The following ERBIN variants were observed in gnomAD, a reference collection of about 807,000 sequenced individuals.
The protein encoded by ERBIN is erbb2 interacting protein.
Under a neutral mutation model 158.4 loss-of-function variants are expected in ERBIN, and 60 were observed. The observed-to-expected ratio is 0.38, with a 90% CI of 0.31 to 0.47. The LOEUF (loss-of-function observed/expected upper bound fraction) is 0.47. Among genes scored for constraint, ERBIN ranks in the 20% least tolerant of loss-of-function variants. The pLI is 0.99. For missense variants in ERBIN, 1,610 were observed against 1,648.0 expected (o/e 0.98, Z 0.40); for synonymous variants, 594 against 557.2 (o/e 1.07, Z -0.93).
intron 11 of ERBIN, 111 bp downstream of exon 11, chr5:66,025,663 A>G: frequency 8.5e-6 from 8 of 943,980 alleles, no homozygotes; most frequent in East Asian, 2.4e-5. Context: ...TAAACATTTA[A>G]GTAATTAGTA....
chr5:65,937,630 C>G lies in ERBIN; in HGVS notation c.-58+10824C>G, dbSNP rs773989383. Among the ~76,000 whole-genome samples, 3 of 152,042 alleles carry G rather than the reference C, an allele frequency of 2.0e-5. No homozygotes were observed. The South Asian group carries it at 6.2e-4, about 31-fold the overall frequency. On this transcript the variant is annotated intron_variant, in intron 1 of 25. Transcript: ENST00000284037. ...TCAGCTTCTAAAAATAATTCTTGGC[C>G]GGGTGCGGTGGCTCATGCCTGTAAT...
At chr5:65,995,834 G>T (rs748855765) in intron 4 of ERBIN, among the ~76,000 whole-genome samples, 7 of 152,096 alleles carry the variant, frequency 4.6e-5, no homozygotes, top group Non-Finnish European at 1.0e-4. Flanking sequence ...TCTCACTGTA[G>T]ATTTAATTTG....
At chr5:65,928,111 G>A (rs1233073382) in intron 1 of ERBIN, among the ~76,000 whole-genome samples, 2 of 152,140 alleles carry the variant, frequency 1.3e-5, no homozygotes, top group African/African-American at 2.4e-5. Context: ...AAGTTTTAAA[G>A]ATCAGGATCA....
rs1491127752 is a variant in ERBIN at position 65,940,487 on chromosome 5, CCG to C, written c.-58+13682_-58+13683del. ...GGTGGGGGGGTCAGTCCCCCCCCCC[CCG>C]GCCAGCCGCCCCGTCTGGGAGGGAG... On this transcript the variant is annotated intron_variant, in intron 1 of 25. Transcript: ENST00000284037. 2.1e-3 allele frequency among the ~76,000 whole-genome samples: 274 copies of C among 129,102 alleles called. 7 individuals are homozygous for C. The highest frequency in any genetic ancestry group is 4.1e-3 in the Middle Eastern group (1 of 244). The allele number at this position is 129,102 out of a possible 152,430, so 84.7% of individuals were successfully genotyped here. A position where few individuals can be genotyped will look rare whatever the true frequency, so the allele number is the denominator to read the frequency against.
intron 21 of ERBIN, among the ~76,000 whole-genome samples, chr5:66,063,352 T>A (rs1265026509): frequency 3.3e-5 from 5 of 152,212 alleles, no homozygotes; most frequent in Non-Finnish European, 7.3e-5. Flanking sequence ...TTGCGGGATA[T>A]AATCTCCTGG....
intron 7 of ERBIN, among the ~76,000 whole-genome samples, 171 bp from the exon 8 acceptor site, chr5:66,021,151 A>G (rs1361436062): frequency 1.4e-5 from 2 of 141,704 alleles, no homozygotes; most frequent in African/African-American, 5.1e-5. Flanking sequence ...TAATTATTTT[A>G]TCTAGAAATC....
Position 66,012,123 on chromosome 5 carries a change from T to C in ERBIN, c.382T>C (p.Ser128Pro). 1 of 1,580,882 alleles carries C rather than the reference T, an allele frequency of 6.3e-7. No homozygotes were observed. Among genetic ancestry groups the C allele is most frequent in the African/African-American group, 1.4e-5 (1 of 73,780 alleles). The change falls in exon 5 of 26, where the codon TCC (serine) becomes CCC (proline). Residue 128 changes from serine (S) to proline (P), a missense_variant. By Grantham distance (74) the Ser-to-Pro change is moderately conservative. This residue lies in a region of ERBIN where 596 missense variants were observed against 711.9 expected (regional missense o/e 0.84). Transcript: ENST00000284037. ...TGTGGAGGCCAGTGTAAACCCTATT[T>C]CCAAGTAAGTTCTCAGGTGAATTAT... ...TIVEASVNPI[S>P]KLPDGFSQLL...
rs771137421 is a variant in ERBIN, at chr5:66,075,005, T to C, written c.3757-19T>C. 2.5e-6 allele frequency: 4 copies of C among 1,609,170 alleles called. No homozygotes were observed. Among genetic ancestry groups the C allele is most frequent in the Non-Finnish European group, 3.4e-6 (4 of 1,175,552 alleles). Reference sequence around the variant, plus strand: ...GACATTATTATTGGTCATTTTAAGATACTTCATGTTTTTCTTAGATGCCTT... The same window carrying C: ...GACATTATTATTGGTCATTTTAAGACACTTCATGTTTTTCTTAGATGCCTT... On this transcript the variant is annotated intron_variant, in intron 22 of 25. Transcript: ENST00000284037.
Position 66,021,393 on chromosome 5 carries a change from C to A in ERBIN, c.597+8C>A. ...AACGAATTCACGGAAGTGGTAAGTT[C>A]TCATCAGTCTCACTTTCCCTAAGTT... On this transcript the variant is annotated splice_region_variant and intron_variant, in intron 8 of 25. Transcript: ENST00000284037. 1.9e-6 allele frequency: 3 copies of A among 1,567,394 alleles called. No individual in the cohort carries two copies. Among genetic ancestry groups the A allele is most frequent in the African/African-American group, 1.4e-5 (1 of 73,794 alleles).
At chr5:65,999,188 G>GTGAA (rs61607755) in intron 4 of ERBIN, among the ~76,000 whole-genome samples, 6,086 of 152,076 alleles carry the variant, frequency 0.04, 406 homozygotes, top group African/African-American at 0.14. Context: ...GGCGAATGTG[G>GTGAA]ACCCCGTCTC....
At chr5:65,933,815 A>G (rs1001739951) in intron 1 of ERBIN, among the ~76,000 whole-genome samples, 1 of 152,188 alleles carries the variant, frequency 6.6e-6, no homozygotes, top group African/African-American at 2.4e-5. Flanking sequence ...TTTTTGAAAC[A>G]ATGACTGACA....
chr5:65,960,836 G>A lies in ERBIN; in HGVS notation c.-57-27799G>A, dbSNP rs541792038. 6.6e-5 allele frequency among the ~76,000 whole-genome samples: 10 copies of A among 152,276 alleles called. No individual in the cohort carries two copies. In the South Asian group the frequency reaches 2.1e-3, roughly 32 times the overall value. ...TTTGTCTTTATATGTTTACAGTTAG[G>A]TTCTAGGCTTAGATAATTATAATTT... On this transcript the variant is annotated intron_variant, in intron 1 of 25. Coordinates refer to ENST00000284037, the MANE Select transcript of ERBIN (RefSeq NM_001253697.2).
intron 1 of ERBIN, among the ~76,000 whole-genome samples, chr5:65,936,242 A>G (rs963817276): frequency 1.3e-5 from 2 of 152,154 alleles, no homozygotes; most frequent in African/African-American, 4.8e-5. Flanking sequence ...CTTGTTGCCA[A>G]GGTTATCACA....
chr5:65,970,310 G>A (rs542413716), intron 1 of ERBIN, among the ~76,000 whole-genome samples: 1 of 152,192 alleles, frequency 6.6e-6, no homozygotes, highest in African/African-American at 2.4e-5. Context: ...TCCCTCCTTT[G>A]CTTTTAAGTC....
intron 4 of ERBIN, among the ~76,000 whole-genome samples, chr5:66,009,373 AAAG>A (rs1255045025): frequency 2.0e-5 from 3 of 152,254 alleles, no homozygotes; most frequent in Non-Finnish European, 2.9e-5. Context: ...GAATGAGAGA[AAAG>A]AAGATGGTAG....
chr5:65,998,231 A>T (rs6886016), intron 4 of ERBIN, among the ~76,000 whole-genome samples: 10,400 of 149,152 alleles, frequency 0.07, 997 homozygotes, highest in African/African-American at 0.21. Flanking sequence ...CTCAAAAAAA[A>T]ATATATATAT....
intron 12 of ERBIN, 114 bp from the exon 13 acceptor site, chr5:66,026,185 CATT>C (rs1460179640): frequency 4.2e-6 from 3 of 715,566 alleles, no homozygotes; most frequent in Non-Finnish European, 6.5e-6. Context: ...AAAGTCTAGT[CATT>C]ATTTCTTCTA....
intron 12 of ERBIN, 71 bp downstream of exon 12, chr5:66,026,048 T>G: frequency 1.6e-5 from 19 of 1,204,970 alleles, no homozygotes; most frequent in Non-Finnish European, 2.0e-5. Flanking sequence ...TATAGCTATT[T>G]AGTGTGGCTT....
At chr5:65,958,150 A>T (rs1434991377) in intron 1 of ERBIN, among the ~76,000 whole-genome samples, 1,027 of 92,946 alleles carry the variant, frequency 0.011, no homozygotes, top group South Asian at 0.014. Context: ...GCAGCCGGGC[A>T]GAGGGGCTCC....
Sources: gnomAD v4.1 joint callset for allele counts (sites outside exome capture counted in the v4.1 genomes callset) on GRCh38, gnomAD v4.1.1 for gene constraint, gnomAD v4.1.1 regional missense constraint, MANE v1.5 for transcripts, NCBI Gene and HGNC (gene_info 2026-07-23, HGNC 2026-07-21) for gene names.